The following PPFIBP1 variants were observed in gnomAD, a reference collection of about 807,000 sequenced individuals.
PPFIBP1 encodes the protein liprin-beta-1.
A neutral mutation model predicts 137.8 loss-of-function variants in PPFIBP1; 112 were observed. That is an observed-to-expected ratio of 0.81 (90% CI 0.70 to 0.95). The LOEUF (loss-of-function observed/expected upper bound fraction) is 0.95, where lower values mean the gene tolerates loss of function less well. PPFIBP1 is among the 40% of genes least tolerant of loss of function. The pLI is 0.00. For missense variants in PPFIBP1, 1,083 were observed against 1,196.6 expected, an observed-to-expected ratio of 0.91 and a Z score of 1.40; for synonymous variants, 378 against 417.3, an observed-to-expected ratio of 0.91 and a Z score of 1.15.
chr12:27,589,010 C>T (rs2052132213), intron 2 of PPFIBP1, among the ~76,000 whole-genome samples: 1 of 152,130 alleles, frequency 6.6e-6, no homozygotes, highest in Non-Finnish European at 1.5e-5. Flanking sequence ...TATTTCACTT[C>T]TGAAAGCACA....
intron 1 of PPFIBP1, among the ~76,000 whole-genome samples, chr12:27,528,338 A>G (rs1213148408): frequency 6.6e-6 from 1 of 152,212 alleles, no homozygotes; most frequent in African/African-American, 2.4e-5. Flanking sequence ...TCACAATTAA[A>G]TCAGTTATCA....
At chr12:27,591,628 A>T (rs1403804002) in intron 2 of PPFIBP1, among the ~76,000 whole-genome samples, 2 of 152,222 alleles carry the variant, frequency 1.3e-5, no homozygotes, top group Admixed American at 1.3e-4. Context: ...TTGCAACAAC[A>T]GTAATAATAT....
intron 1 of PPFIBP1, among the ~76,000 whole-genome samples, chr12:27,573,248 TAATACATGATTA>T (rs2050284735): frequency 1.3e-5 from 2 of 152,218 alleles, no homozygotes; most frequent in Non-Finnish European, 2.9e-5. Flanking sequence ...CAGTGAACAT[TAATACATGATTA>T]AATACCCGAA....
chr12:27,633,303 A>C lies in PPFIBP1; in HGVS notation c.-35-59A>C. The C allele has an allele frequency of 7.7e-6, 9 of 1,171,250 alleles. No homozygotes were observed. The East Asian group carries it at 2.1e-4, about 28-fold the overall frequency. The allele number at this position is 1,171,250 out of a possible 1,614,324, so 72.6% of individuals were successfully genotyped here. On this transcript the variant is annotated intron_variant, in intron 2 of 29. Coordinates refer to ENST00000228425, the MANE Select transcript of PPFIBP1 (RefSeq NM_003622.4). ...AGTTATCATTTGAAGGTGAATTAGA[A>C]ACCCACTAGCAAGCCTATGTCATTT... is the stretch of plus-strand genomic sequence containing the variant.
At chr12:27,541,051 C>T (rs1945595383) in intron 1 of PPFIBP1, among the ~76,000 whole-genome samples, 1 of 152,112 alleles carries the variant, frequency 6.6e-6, no homozygotes, top group Non-Finnish European at 1.5e-5. Context: ...TTGTCTTTTG[C>T]ACTTGCGGTT....
At chr12:27,634,683 T>C (rs994830176) in intron 3 of PPFIBP1, among the ~76,000 whole-genome samples, 2 of 152,162 alleles carry the variant, frequency 1.3e-5, no homozygotes, top group Non-Finnish European at 2.9e-5. Flanking sequence ...TACCCCATGA[T>C]TGGCCTCCTA....
intron 2 of PPFIBP1, among the ~76,000 whole-genome samples, chr12:27,606,820 G>A (rs575929185): frequency 6.6e-6 from 1 of 152,164 alleles, no homozygotes; most frequent in Non-Finnish European, 1.5e-5. Context: ...TTAGGCACAA[G>A]GTAAACCCTT....
At chr12:27,575,276 AC>A (rs1373127267) in intron 1 of PPFIBP1, among the ~76,000 whole-genome samples, 1 of 152,198 alleles carries the variant, frequency 6.6e-6, no homozygotes, top group Admixed American at 6.5e-5. Flanking sequence ...CAGGTGGCAG[AC>A]CCACATTTGG....
intron 2 of PPFIBP1, among the ~76,000 whole-genome samples, chr12:27,579,769 G>A (rs16921618): frequency 0.11 from 17,414 of 152,114 alleles, 1,501 homozygotes; most frequent in East Asian, 0.41. Context: ...ATTTTAATTC[G>A]TGGCACTTTG....
chr12:27,590,087 A>G (rs563887964), intron 2 of PPFIBP1, among the ~76,000 whole-genome samples: 7 of 152,354 alleles, frequency 4.6e-5, no homozygotes, highest in African/African-American at 1.7e-4. Flanking sequence ...TTTTAAAATT[A>G]TATAGACAGG....
At position 27,558,256 on chromosome 12, in the gene PPFIBP1, G is replaced by GTT. The variant is rs11434356; in HGVS notation, c.-123-19887_-123-19886dup. Among the ~76,000 whole-genome samples, 107 of 139,380 alleles carry GTT rather than the reference G, an allele frequency of 7.7e-4. 1 individual carries two copies. The highest frequency in any genetic ancestry group is 3.5e-3 in the Middle Eastern group (1 of 284). The allele number at this position is 139,380 out of a possible 152,430, so 91.4% of individuals were successfully genotyped here. On this transcript the variant is annotated intron_variant, in intron 1 of 29. Coordinates refer to ENST00000228425, the MANE Select transcript of PPFIBP1 (RefSeq NM_003622.4). Reference sequence around the variant, plus strand: ...TTTCTTTTCCCTAAAGACCTTCTGGGTTTTTTTTTTGTTTTGTTTTGTTTT... The same window carrying GTT: ...TTTCTTTTCCCTAAAGACCTTCTGGGTTTTTTTTTTTTGTTTTGTTTTGTTTT...
chr12:27,589,736 T>C (rs1413295579), intron 2 of PPFIBP1, among the ~76,000 whole-genome samples: 1 of 152,240 alleles, frequency 6.6e-6, no homozygotes, highest in Non-Finnish European at 1.5e-5. Context: ...GTTGAGTTCG[T>C]CCTAGAGCTT....
At position 27,687,417 on chromosome 12, in the gene PPFIBP1, G is replaced by C; in HGVS notation, c.2280G>C (p.Val760=). 1 of 1,614,000 alleles carries C rather than the reference G, an allele frequency of 6.2e-7. No individual in the cohort carries two copies. Among genetic ancestry groups the C allele is most frequent in the Non-Finnish European group, 8.5e-7 (1 of 1,179,886 alleles). The stretch of plus-strand genomic sequence containing the variant: ...TACTGTCTCTGAAGGTTGTAAGTGT[G>C]CTACACCATCTCAGTATCAAAAGGG... ...DDLLSLKVVS[V]LHHLSIKRAI... The change falls in exon 25 of 30, where the codon GTG becomes GTC. Residue 760 remains valine, a synonymous_variant. Coordinates refer to ENST00000228425, the MANE Select transcript of PPFIBP1 (RefSeq NM_003622.4).
rs137864595 is a variant in PPFIBP1 at position 27,688,373 on chromosome 12, G to A, written c.2446G>A (p.Ala816Thr). Reference protein sequence around the residue: ...VMEWLRSVDLAEYAPNLRGSG... With the variant: ...VMEWLRSVDLTEYAPNLRGSG... ...GGAGTGGCTGCGCTCCGTGGACTTG[G>A]CAGAATATGCGCCCAATCTCAGAGG... The change falls in exon 26 of 30, where the codon GCA (alanine) becomes ACA (threonine). Residue 816 changes from alanine (A) to threonine (T), a missense_variant. Coordinates refer to ENST00000228425, the MANE Select transcript of PPFIBP1 (RefSeq NM_003622.4). The A allele has an allele frequency of 5.0e-6, 8 of 1,614,020 alleles. No individual in the cohort carries two copies. The African/African-American group carries it at 9.3e-5, about 19-fold the overall frequency.
chr12:27,683,490 C>T, intron 24 of PPFIBP1, among the ~76,000 whole-genome samples: 1 of 152,232 alleles, frequency 6.6e-6, no homozygotes, highest in East Asian at 1.9e-4. Context: ...AAGGACTTGT[C>T]TTCTCCTTTC....
At chr12:27,608,715 A>G in intron 2 of PPFIBP1, 1 of 381,606 alleles carries the variant, frequency 2.6e-6, no homozygotes, top group Middle Eastern at 8.5e-4. Context: ...GGACACCGAT[A>G]AAACATAGTG....
chr12:27,688,054 G>A (rs553648041), intron 25 of PPFIBP1: 11 of 381,764 alleles, frequency 2.9e-5, no homozygotes, highest in Non-Finnish European at 4.2e-5. Context: ...CCACTGCAAC[G>A]CCAGCGTGGG....
chr12:27,545,481 GA>G (rs1271292621), intron 1 of PPFIBP1, among the ~76,000 whole-genome samples: 1 of 152,324 alleles, frequency 6.6e-6, no homozygotes, highest in East Asian at 1.9e-4. Flanking sequence ...CTTTGAAACA[GA>G]GCCAGGATAG....
At chr12:27,566,000 A>G (rs991576449) in intron 1 of PPFIBP1, among the ~76,000 whole-genome samples, 12 of 124,208 alleles carry the variant, frequency 9.7e-5, no homozygotes, top group Admixed American at 8.4e-4. Flanking sequence ...ATCTCATGTG[A>G]CAGCCTTATG....
Sources: gnomAD v4.1 joint callset for allele counts (sites outside exome capture counted in the v4.1 genomes callset) on GRCh38, gnomAD v4.1.1 for gene constraint, MANE v1.5 for transcripts, NCBI Gene and HGNC (gene_info 2026-07-23, HGNC 2026-07-21) for gene names.